The following MINDY2 variants were observed in gnomAD, a reference collection of about 807,000 sequenced individuals.
MINDY2 encodes the protein ubiquitin carboxyl-terminal hydrolase MINDY-2.
Under a neutral mutation model 68.2 loss-of-function variants are expected in MINDY2, and 52 were observed. That is an observed-to-expected ratio of 0.76 (90% confidence interval 0.61 to 0.96). The LOEUF (loss-of-function observed/expected upper bound fraction) is 0.96, where lower values mean the gene tolerates loss of function less well. Among genes scored for constraint, MINDY2 ranks in the 40% least tolerant of loss-of-function variants. The pLI, the probability that MINDY2 is intolerant of heterozygous loss-of-function variation, is 0.00. For missense variants in MINDY2, 881 were observed against 773.4 expected (o/e 1.14, Z -1.65); for synonymous variants, 372 against 303.0 (o/e 1.23, Z -2.36).
At chr15:58,809,188 G>T (rs2030043498) in intron 3 of MINDY2, among the ~76,000 whole-genome samples, 1 of 152,050 alleles carries the variant, frequency 6.6e-6, no homozygotes. Flanking sequence ...CTCTAGCCTG[G>T]GCAACAGAGT....
intron 1 of MINDY2, among the ~76,000 whole-genome samples, chr15:58,785,628 A>G (rs114688542): frequency 0.033 from 4,968 of 152,238 alleles, 288 homozygotes; most frequent in African/African-American, 0.11. Flanking sequence ...AACTCTCTGT[A>G]CTTTCTGCCC....
chr15:58,808,230 C>T (rs777128810), intron 3 of MINDY2, among the ~76,000 whole-genome samples: 7 of 152,182 alleles, frequency 4.6e-5, no homozygotes, highest in Non-Finnish European at 8.8e-5. Flanking sequence ...ATCATTATCA[C>T]CCAGAGTCTA....
intron 1 of MINDY2, among the ~76,000 whole-genome samples, chr15:58,781,635 T>C (rs1208893901): frequency 1.3e-5 from 2 of 152,032 alleles, no homozygotes; most frequent in African/African-American, 4.8e-5. Flanking sequence ...CGAAGCGCAG[T>C]GGCTCATGCC....
chr15:58,780,752 A>G (rs1193590107), intron 1 of MINDY2, among the ~76,000 whole-genome samples: 3 of 152,156 alleles, frequency 2.0e-5, no homozygotes, highest in African/African-American at 7.2e-5. Flanking sequence ...TTGGGGCACT[A>G]AGGTGAATCA....
At chr15:58,790,880 A>T (rs1326128163) in intron 2 of MINDY2, among the ~76,000 whole-genome samples, 2 of 152,072 alleles carry the variant, frequency 1.3e-5, no homozygotes, top group African/African-American at 4.8e-5. Flanking sequence ...GTTTATTTAC[A>T]TCAAAATGGA....
intron 3 of MINDY2, among the ~76,000 whole-genome samples, chr15:58,806,919 A>G (rs1196803410): frequency 6.6e-6 from 1 of 152,218 alleles, no homozygotes; most frequent in Non-Finnish European, 1.5e-5. Flanking sequence ...GAAACTGACA[A>G]AGGTCAAAGA....
rs779915824 is a variant in MINDY2, at chr15:58,771,616, A to G, written c.221A>G (p.Glu74Gly). The G allele has an allele frequency of 6.2e-7, 1 of 1,611,978 alleles. No homozygotes were observed. The highest frequency in any genetic ancestry group is 8.5e-7 in the Non-Finnish European group (1 of 1,179,764). ...PDSASPAGSP[E>G]VPGPCSSSAG... ...TCGGCTTCTCCCGCGGGCTCTCCTG[A>G]GGTTCCCGGACCCTGCAGCTCCTCC... The change falls in exon 1 of 9, where the codon GAG (glutamate) becomes GGG (glycine). Residue 74 changes from glutamate (E) to glycine (G), a missense_variant. Coordinates refer to ENST00000559228, the MANE Select transcript of MINDY2 (RefSeq NM_001040450.3).
intron 1 of MINDY2, among the ~76,000 whole-genome samples, chr15:58,778,833 G>C (rs1364011714): frequency 5.2e-5 from 6 of 115,590 alleles, no homozygotes; most frequent in Non-Finnish European, 8.3e-5. Flanking sequence ...TTTTTTTTGA[G>C]ACGGAATCTC....
At chr15:58,818,816 T>A (rs1219683728) in intron 4 of MINDY2, among the ~76,000 whole-genome samples, 1 of 150,698 alleles carries the variant, frequency 6.6e-6, no homozygotes, top group South Asian at 2.1e-4. Context: ...ATTTTTTGTA[T>A]TTTTTGTAGA....
Position 58,831,814 on chromosome 15 carries a change from A to G in MINDY2, c.1266A>G (p.Gln422=), listed in dbSNP as rs985969924. The G allele has an allele frequency of 1.1e-5, 17 of 1,613,596 alleles. No individual in the cohort carries two copies. In the Admixed American group the frequency reaches 2.5e-4, roughly 24 times the overall value. Reference sequence around the variant, plus strand: ...AGTTTCTAAATAACACAGCCACTCAACTGACATACCATGGATTATGTGAAC... The same window carrying G: ...AGTTTCTAAATAACACAGCCACTCAGCTGACATACCATGGATTATGTGAAC... The part of the protein sequence containing the change: ...AEQFLNNTAT[Q]LTYHGLCELT... Residue 422 remains glutamine (Q), a synonymous_variant, in exon 6 of 9, where the codon CAA becomes CAG. Transcript: ENST00000559228.
chr15:58,854,733 CA>C lies in MINDY2; in HGVS notation c.*124del. The C allele has an allele frequency of 8.5e-7, 1 of 1,170,108 alleles. No individual in the cohort carries two copies. The highest frequency in any genetic ancestry group is 1.2e-6 in the Non-Finnish European group (1 of 851,824). The allele number at this position is 1,170,108 out of a possible 1,614,324, so 72.5% of individuals were successfully genotyped here. On this transcript the variant is annotated 3_prime_UTR_variant, in exon 9 of 9. Transcript: ENST00000559228. ...TCCTAATGGATTTTGTTCGTTTTTT[CA>C]GGGGAACGGTTGTTACTTAGTTACA...
At chr15:58,827,578 C>G (rs2031476242) in intron 5 of MINDY2, among the ~76,000 whole-genome samples, 1 of 152,104 alleles carries the variant, frequency 6.6e-6, no homozygotes, top group Admixed American at 6.5e-5. Flanking sequence ...GTTCTCTTGC[C>G]TCAGCCTCCC....
Position 58,818,530 on chromosome 15 carries a change from A to G in MINDY2, c.1123-3187A>G, listed in dbSNP as rs1595746749. On this transcript the variant is annotated intron_variant, in intron 4 of 8. Coordinates refer to ENST00000559228, the MANE Select transcript of MINDY2 (RefSeq NM_001040450.3). ...GCTAGCCTCCTAAAGTGCTGGGATT[A>G]TAGACATGAGCCACTACACCTGGCC... Among the ~76,000 whole-genome samples, 6 of 152,256 alleles carry G rather than the reference A, an allele frequency of 3.9e-5. No homozygotes were observed. The South Asian group carries it at 1.0e-3, about 26-fold the overall frequency.
At chr15:58,849,213 A>T (rs1362813616) in intron 7 of MINDY2, among the ~76,000 whole-genome samples, 2 of 151,692 alleles carry the variant, frequency 1.3e-5, no homozygotes, top group African/African-American at 4.8e-5. Flanking sequence ...CTGTCTCAAA[A>T]AAAAAAAGGC....
chr15:58,828,264 G>C (rs2031523651), intron 5 of MINDY2, among the ~76,000 whole-genome samples: 1 of 152,004 alleles, frequency 6.6e-6, no homozygotes, highest in African/African-American at 2.4e-5. Flanking sequence ...ATACATTAAT[G>C]TATTTGATCT....
chr15:58,840,743 G>A (rs1275246212), intron 6 of MINDY2, among the ~76,000 whole-genome samples: 6 of 147,076 alleles, frequency 4.1e-5, no homozygotes, highest in Admixed American at 1.4e-4. Context: ...TGCAAGCTCC[G>A]CCTCCCAGGT....
Position 58,772,247 on chromosome 15 carries a change from A to C in MINDY2, c.840+12A>C. On this transcript the variant is annotated intron_variant, in intron 1 of 8. Coordinates refer to ENST00000559228, the MANE Select transcript of MINDY2 (RefSeq NM_001040450.3). ...TCCTGGCCTGGAAGGTACATTCTGC[A>C]GCTTTCTACTTCCTACAGCTTTTGG... 6.2e-7 allele frequency: 1 copy of C among 1,607,672 alleles called. No homozygotes were observed. The highest frequency in any genetic ancestry group is 2.2e-5 in the East Asian group (1 of 44,886).
chr15:58,784,284 C>T (rs1040456574), intron 1 of MINDY2, among the ~76,000 whole-genome samples: 2 of 152,034 alleles, frequency 1.3e-5, no homozygotes, highest in Non-Finnish European at 2.9e-5. Flanking sequence ...CATGATCCTG[C>T]CACTGCGATC....
At chr15:58,837,557 A>C (rs2032054515) in intron 6 of MINDY2, among the ~76,000 whole-genome samples, 1 of 149,914 alleles carries the variant, frequency 6.7e-6, no homozygotes, top group African/African-American at 2.5e-5. Context: ...AAAAAAAAGG[A>C]AACCTTTTTT....
Sources: allele counts gnomAD v4.1 joint callset (sites outside exome capture counted in the v4.1 genomes callset), GRCh38; gene constraint gnomAD v4.1.1; transcripts MANE v1.5; gene names NCBI Gene and HGNC (gene_info 2026-07-23, HGNC 2026-07-21).